The following KCNAB1 variants were observed in gnomAD, a reference collection of about 807,000 sequenced individuals.
KCNAB1 encodes the protein voltage-gated potassium channel subunit beta-1.
A neutral mutation model predicts 64.6 loss-of-function variants in KCNAB1; 35 were observed. The ratio of observed to expected loss-of-function variants is 0.54; its 90% CI spans 0.41 to 0.72. The LOEUF (loss-of-function observed/expected upper bound fraction) is 0.72. Among genes scored for constraint, KCNAB1 ranks in the 30% least tolerant of loss-of-function variants. The probability of loss-of-function intolerance (pLI) is 0.00; values close to 1 mark genes in which losing one functional copy is unlikely to be tolerated. For synonymous variants in KCNAB1, 177 were observed against 183.8 expected, an observed-to-expected ratio of 0.96 and a Z score of 0.30; for missense variants, 401 against 512.9, an observed-to-expected ratio of 0.78 and a Z score of 2.11.
intron 1 of KCNAB1, among the ~76,000 whole-genome samples, chr3:156,381,853 C>T (rs982277729): frequency 6.6e-6 from 1 of 152,150 alleles, no homozygotes; most frequent in African/African-American, 2.4e-5. Context: ...GTGAAAGGTT[C>T]CCAAGACTCA....
intron 1 of KCNAB1, among the ~76,000 whole-genome samples, chr3:156,280,470 T>G (rs903696141): frequency 8.0e-5 from 12 of 150,160 alleles, no homozygotes; most frequent in African/African-American, 2.7e-4. Context: ...TGGTTCCATA[T>G]GAACTTTAAA....
chr3:156,365,596 T>C (rs961501970), intron 1 of KCNAB1, among the ~76,000 whole-genome samples: 2 of 152,220 alleles, frequency 1.3e-5, no homozygotes, highest in African/African-American at 4.8e-5. Flanking sequence ...ATATACTTTC[T>C]TATCATTTAC....
intron 1 of KCNAB1, among the ~76,000 whole-genome samples, chr3:156,317,544 G>A (rs969391480): frequency 6.6e-6 from 1 of 151,796 alleles, no homozygotes; most frequent in African/African-American, 2.4e-5. Flanking sequence ...TTGATGTTTT[G>A]TCTTCCTTCT....
intron 2 of KCNAB1, among the ~76,000 whole-genome samples, chr3:156,428,879 C>T (rs1216236671): frequency 6.6e-6 from 1 of 152,118 alleles, no homozygotes; most frequent in Admixed American, 6.5e-5. Context: ...CTGTTTCACA[C>T]ATCCTCAAGA....
chr3:156,189,002 G>C (rs549898695), intron 1 of KCNAB1, among the ~76,000 whole-genome samples: 2 of 152,220 alleles, frequency 1.3e-5, no homozygotes, highest in Admixed American at 6.5e-5. Context: ...TCTCTTCTTG[G>C]ATCTGGAGCC....
At chr3:156,384,816 G>C (rs1712454769) in intron 1 of KCNAB1, among the ~76,000 whole-genome samples, 1 of 152,184 alleles carries the variant, frequency 6.6e-6, no homozygotes, top group Non-Finnish European at 1.5e-5. Flanking sequence ...CCTTGGAATG[G>C]ATTCCTCAGA....
intron 1 of KCNAB1, among the ~76,000 whole-genome samples, chr3:156,148,690 T>G (rs1445223424): frequency 1.3e-5 from 2 of 152,220 alleles, no homozygotes; most frequent in Non-Finnish European, 2.9e-5. Context: ...TCAAGCTCCT[T>G]TTTAACCAAT....
chr3:156,142,541 C>T (rs1714766316), intron 1 of KCNAB1, among the ~76,000 whole-genome samples: 1 of 152,166 alleles, frequency 6.6e-6, no homozygotes, highest in African/African-American at 2.4e-5. Context: ...AGCTATTCTT[C>T]CTCCACAGAT....
At chr3:156,332,198 T>C (rs1426997116) in intron 1 of KCNAB1, among the ~76,000 whole-genome samples, 1 of 152,222 alleles carries the variant, frequency 6.6e-6, no homozygotes, top group Admixed American at 6.5e-5. Context: ...TTTATGTGTT[T>C]GAATTCTTAT....
intron 1 of KCNAB1, chr3:156,143,046 A>T: frequency 5.0e-6 from 7 of 1,387,372 alleles, no homozygotes; most frequent in Non-Finnish European, 6.5e-6. Context: ...GATAAGAGAG[A>T]TCTAAAGAAA....
At chr3:156,335,212 G>A (rs1173044579) in intron 1 of KCNAB1, among the ~76,000 whole-genome samples, 1 of 152,182 alleles carries the variant, frequency 6.6e-6, no homozygotes, top group African/African-American at 2.4e-5. Context: ...CTTCAATCCA[G>A]GATGCATTTT....
At chr3:156,190,820 A>G (rs1222391971) in intron 1 of KCNAB1, among the ~76,000 whole-genome samples, 3 of 152,106 alleles carry the variant, frequency 2.0e-5, no homozygotes, top group Admixed American at 6.5e-5. Context: ...CAGTCTCCCA[A>G]GTAGCTGGGA....
At chr3:156,268,688 T>G (rs1718860968) in intron 1 of KCNAB1, among the ~76,000 whole-genome samples, 1 of 152,216 alleles carries the variant, frequency 6.6e-6, no homozygotes, top group Non-Finnish European at 1.5e-5. Flanking sequence ...AATCAGATAT[T>G]TTGTCCATTT....
chr3:156,328,470 G>A (rs1723128131), intron 1 of KCNAB1, among the ~76,000 whole-genome samples: 1 of 152,142 alleles, frequency 6.6e-6, no homozygotes, highest in Admixed American at 6.6e-5. Flanking sequence ...TTTTGCACGT[G>A]TTGCTATTGT....
At chr3:156,143,569 G>GTTTTTTGTTTTTTTTTTTT (rs1553807969) in intron 1 of KCNAB1, 2 of 281,598 alleles carry the variant, frequency 7.1e-6, no homozygotes, top group African/African-American at 5.9e-5. Context: ...TTGCATTCTT[G>GTTTTTTGTTTTTTTTTTTT]TTTTTTTTTT....
chr3:156,439,947 G>A (rs1716877237), intron 2 of KCNAB1, among the ~76,000 whole-genome samples: 1 of 152,180 alleles, frequency 6.6e-6, no homozygotes, highest in African/African-American at 2.4e-5. Context: ...TTACATAAAG[G>A]CCAGGAATGG....
chr3:156,350,847 T>C (rs1724808958), intron 1 of KCNAB1, among the ~76,000 whole-genome samples: 4 of 152,248 alleles, frequency 2.6e-5, no homozygotes, highest in Admixed American at 2.6e-4. Context: ...AATTAAATGA[T>C]TCCTAGTACT....
intron 1 of KCNAB1, among the ~76,000 whole-genome samples, chr3:156,151,861 C>T (rs1442030050): frequency 6.6e-6 from 1 of 152,126 alleles, no homozygotes; most frequent in Non-Finnish European, 1.5e-5. Context: ...TGTACAGGAT[C>T]AGTATTGGAT....
At chr3:156,248,641 A>G (rs1458621741) in intron 1 of KCNAB1, among the ~76,000 whole-genome samples, 2 of 152,284 alleles carry the variant, frequency 1.3e-5, no homozygotes, top group East Asian at 3.9e-4. Context: ...CTCATTGCAT[A>G]TAAATGACAA....
Sources: allele counts gnomAD v4.1 joint callset (sites outside exome capture counted in the v4.1 genomes callset), GRCh38; gene constraint gnomAD v4.1.1; transcripts MANE v1.5; gene names NCBI Gene and HGNC (gene_info 2026-07-23, HGNC 2026-07-21).